The following NOL4 variants were observed in gnomAD, a reference collection of about 807,000 sequenced individuals.
The protein encoded by NOL4 is nucleolar protein 4, also known as cancer/testis antigen 125.
NOL4 carries 17 observed loss-of-function variants against 75.9 expected under a neutral mutation model. That is an observed-to-expected ratio of 0.22 (90% CI 0.15 to 0.34). NOL4 has a LOEUF of 0.34. NOL4 is among the 10% of genes least tolerant of loss of function. The pLI is 1.00. For synonymous variants in NOL4, 292 were observed against 289.9 expected (o/e 1.01, Z -0.07); for missense variants, 614 against 793.5 (o/e 0.77, Z 2.72).
intron 9 of NOL4, among the ~76,000 whole-genome samples, chr18:33,911,818 G>T (rs773799054): frequency 7.9e-5 from 12 of 152,090 alleles, no homozygotes; most frequent in Non-Finnish European, 1.6e-4. Context: ...CTGCAGCAGA[G>T]ATGTATAGCT....
chr18:34,016,500 G>C (rs963705738), intron 6 of NOL4, among the ~76,000 whole-genome samples: 6 of 151,980 alleles, frequency 3.9e-5, no homozygotes, highest in African/African-American at 1.4e-4. Flanking sequence ...CTTCACACTT[G>C]TTCTCTGCTG....
chr18:33,947,977 C>A (rs1361616317), intron 8 of NOL4, among the ~76,000 whole-genome samples: 4 of 151,936 alleles, frequency 2.6e-5, no homozygotes, highest in African/African-American at 9.7e-5. Flanking sequence ...CACCAACAAA[C>A]TTCCATTTTT....
rs528624391 is a variant in NOL4, at chr18:33,974,966, C to A, written c.1057-16548G>T. On this transcript the variant is annotated intron_variant, in intron 6 of 10. Coordinates refer to ENST00000261592, the MANE Select transcript of NOL4 (RefSeq NM_003787.5). ...ATAAATAAAATGTGGTATATACATACAATGGGATACTATGCAGCCTTAAAA... is the reference window on the plus strand; with the variant it reads ...ATAAATAAAATGTGGTATATACATAAAATGGGATACTATGCAGCCTTAAAA... 5.0e-3 allele frequency among the ~76,000 whole-genome samples: 757 copies of A among 152,260 alleles called. 2 individuals are homozygous for A. Among genetic ancestry groups the A allele is most frequent in the Non-Finnish European group, 8.5e-3 (576 of 68,014 alleles).
intron 1 of NOL4, among the ~76,000 whole-genome samples, chr18:34,203,406 A>G (rs1273205467): frequency 1.3e-5 from 2 of 151,996 alleles, no homozygotes; most frequent in South Asian, 2.1e-4. Flanking sequence ...ATGAAATTGT[A>G]TAGAAATTAA....
intron 6 of NOL4, among the ~76,000 whole-genome samples, chr18:33,961,039 T>C (rs144919387): frequency 1.6e-3 from 249 of 152,190 alleles, no homozygotes; most frequent in African/African-American, 5.6e-3. Flanking sequence ...AAAATTTACA[T>C]GGAGCTTTAA....
At chr18:34,005,319 G>A (rs1021682689) in intron 6 of NOL4, among the ~76,000 whole-genome samples, 1 of 151,946 alleles carries the variant, frequency 6.6e-6, no homozygotes, top group African/African-American at 2.4e-5. Context: ...TTTGGGACTG[G>A]CTATGCTGGA....
intron 5 of NOL4, among the ~76,000 whole-genome samples, chr18:34,030,378 T>C (rs753189229): frequency 4.4e-4 from 67 of 152,154 alleles, no homozygotes; most frequent in Admixed American, 1.6e-3. Flanking sequence ...ATGCATATAG[T>C]GGGACAAAAG....
chr18:33,862,179 C>T (rs1385298058), intron 10 of NOL4, among the ~76,000 whole-genome samples: 2 of 152,086 alleles, frequency 1.3e-5, no homozygotes, highest in Non-Finnish European at 2.9e-5. Flanking sequence ...AAAGGATTCC[C>T]TATTTAATAA....
intron 6 of NOL4, among the ~76,000 whole-genome samples, chr18:33,973,764 C>A (rs1326917411): frequency 6.6e-6 from 1 of 152,150 alleles, no homozygotes; most frequent in Non-Finnish European, 1.5e-5. Flanking sequence ...TTATTCTGAC[C>A]AGTAAGTCTC....
intron 1 of NOL4, among the ~76,000 whole-genome samples, chr18:34,140,285 A>G (rs1255167074): frequency 1.3e-5 from 2 of 152,100 alleles, no homozygotes; most frequent in Non-Finnish European, 2.9e-5. Flanking sequence ...GGGGTGTTAA[A>G]TTCTCCAACT....
intron 2 of NOL4, among the ~76,000 whole-genome samples, chr18:34,127,444 G>T (rs2080438986): frequency 6.6e-6 from 1 of 151,844 alleles, no homozygotes; most frequent in African/African-American, 2.4e-5. Context: ...TAATCATCAT[G>T]CATGCTCTAT....
intron 1 of NOL4, chr18:34,183,730 T>C (rs904067807): frequency 1.3e-5 from 2 of 151,964 alleles, no homozygotes; most frequent in African/African-American, 4.8e-5. Flanking sequence ...CAAAAGTCTA[T>C]ATGTTCCACA....
chr18:33,897,250 C>A (rs2065465241), intron 9 of NOL4, among the ~76,000 whole-genome samples: 1 of 152,112 alleles, frequency 6.6e-6, no homozygotes, highest in African/African-American at 2.4e-5. Context: ...TTTGACCCAG[C>A]AATCCCATTA....
intron 6 of NOL4, among the ~76,000 whole-genome samples, chr18:33,996,395 C>T (rs2073287807): frequency 1.4e-5 from 2 of 147,238 alleles, no homozygotes; most frequent in African/African-American, 5.0e-5. Context: ...AATTTTGTAT[C>T]TATTTATTTT....
chr18:34,162,563 C>A (rs1568408434), intron 1 of NOL4, among the ~76,000 whole-genome samples: 3 of 152,104 alleles, frequency 2.0e-5, no homozygotes, highest in Non-Finnish European at 4.4e-5. Context: ...CTGAATAGAC[C>A]AATAACAGGC....
At chr18:33,963,847 T>G (rs1759526298) in intron 6 of NOL4, among the ~76,000 whole-genome samples, 1 of 152,186 alleles carries the variant, frequency 6.6e-6, no homozygotes, top group African/African-American at 2.4e-5. Flanking sequence ...CGTGACCTGT[T>G]TGCTTATCTG....
At chr18:33,870,022 A>G (rs1370777823) in intron 10 of NOL4, among the ~76,000 whole-genome samples, 3 of 152,126 alleles carry the variant, frequency 2.0e-5, no homozygotes, top group African/African-American at 7.2e-5. Context: ...TAGAAAGCAA[A>G]TTAGTATTTT....
At chr18:34,045,330 CT>C (rs1600379668) in intron 5 of NOL4, among the ~76,000 whole-genome samples, 1 of 152,100 alleles carries the variant, frequency 6.6e-6, no homozygotes, top group East Asian at 1.9e-4. Flanking sequence ...TGTTTCTATA[CT>C]AGTTTAGGCT....
At chr18:33,979,199 C>T in intron 6 of NOL4, among the ~76,000 whole-genome samples, 1 of 152,156 alleles carries the variant, frequency 6.6e-6, no homozygotes, top group East Asian at 1.9e-4. Flanking sequence ...GACACTATCA[C>T]ATGCTTGTTC....
Sources: gnomAD v4.1 joint callset for allele counts (sites outside exome capture counted in the v4.1 genomes callset) on GRCh38, gnomAD v4.1.1 for gene constraint, MANE v1.5 for transcripts, NCBI Gene and HGNC (gene_info 2026-07-23, HGNC 2026-07-21) for gene names.